The following ARNT variants were observed in gnomAD, a reference collection of about 807,000 sequenced individuals.
ARNT encodes aryl hydrocarbon receptor nuclear translocator, also known as class E basic helix-loop-helix protein 2.
In ARNT, 30 loss-of-function variants were observed where a neutral mutation model predicts 105.0. The observed-to-expected ratio is 0.29, with a 90% CI of 0.21 to 0.39. The LOEUF is 0.39. ARNT is among the 10% of genes least tolerant of loss of function. ARNT has a pLI of 1.00. For missense variants in ARNT, 748 were observed against 978.7 expected (o/e 0.76, Z 3.15); for synonymous variants, 304 against 344.0 (o/e 0.88, Z 1.29).
intron 1 of ARNT, among the ~76,000 whole-genome samples, chr1:150,864,883 CA>C (rs587599690): frequency 0.19 from 14,405 of 75,638 alleles, 1,027 homozygotes; most frequent in African/African-American, 0.34. Context: ...TTCTTTAAAT[CA>C]AAAAAAAAAA....
At chr1:150,875,613 C>T (rs776202425) in intron 1 of ARNT, among the ~76,000 whole-genome samples, 12 of 152,014 alleles carry the variant, frequency 7.9e-5, no homozygotes, top group Non-Finnish European at 1.8e-4. Context: ...TAAACTAGAC[C>T]CCTAAAATGA....
At chr1:150,825,912 T>C (rs1367682614) in intron 13 of ARNT, among the ~76,000 whole-genome samples, 1 of 151,530 alleles carries the variant, frequency 6.6e-6, no homozygotes, top group Non-Finnish European at 1.5e-5. Context: ...TACAATTTTC[T>C]TTTTTATCTT....
At chr1:150,874,091 G>A (rs929959312) in intron 1 of ARNT, among the ~76,000 whole-genome samples, 1 of 145,558 alleles carries the variant, frequency 6.9e-6, no homozygotes, top group Non-Finnish European at 1.5e-5. Flanking sequence ...AAAGAAATAG[G>A]CATGGTGTCC....
intron 1 of ARNT, among the ~76,000 whole-genome samples, chr1:150,865,101 A>T (rs912642742): frequency 1.8e-4 from 27 of 151,822 alleles, no homozygotes; most frequent in Middle Eastern, 3.4e-3. Context: ...CAAGATTAAT[A>T]AAAAAAACAA....
At chr1:150,854,877 A>AG (rs1664307625) in intron 2 of ARNT, among the ~76,000 whole-genome samples, 1 of 149,490 alleles carries the variant, frequency 6.7e-6, no homozygotes, top group Non-Finnish European at 1.5e-5. Context: ...AAAAAAAAAA[A>AG]GGGAAGGGGA....
intron 3 of ARNT, among the ~76,000 whole-genome samples, chr1:150,848,564 G>A (rs1662698819): frequency 6.6e-6 from 1 of 152,090 alleles, no homozygotes; most frequent in African/African-American, 2.4e-5. Context: ...TTTGAGGCAA[G>A]GTCGCCCAGG....
At chr1:150,867,893 C>T (rs192357037) in intron 1 of ARNT, among the ~76,000 whole-genome samples, 31 of 152,238 alleles carry the variant, frequency 2.0e-4, no homozygotes, top group Non-Finnish European at 2.9e-4. Context: ...CTTCGCCTTC[C>T]GCCATGATTC....
chr1:150,849,678 G>A (rs1474223699), intron 3 of ARNT, among the ~76,000 whole-genome samples: 5 of 152,068 alleles, frequency 3.3e-5, no homozygotes, highest in Non-Finnish European at 5.9e-5. Flanking sequence ...TGGGAGGATC[G>A]CTTGAGCCCT....
In ARNT at chr1:150,845,626, G is replaced by A. The variant is rs587665741; in HGVS notation, c.227+637C>T. Among the ~76,000 whole-genome samples, 12 of 148,658 alleles carry A rather than the reference G, an allele frequency of 8.1e-5. No individual in the cohort carries two copies. In the South Asian group the frequency reaches 8.5e-4, roughly 11 times the overall value. On this transcript the variant is annotated intron_variant, in intron 4 of 21. Coordinates refer to ENST00000358595, the MANE Select transcript of ARNT (RefSeq NM_001668.4). Reference sequence around the variant, plus strand: ...CTGTCTCAAAAAAATAAAATAGGCCGGGTGCGGTGGCTCACACCTATAATC... The same window carrying A: ...CTGTCTCAAAAAAATAAAATAGGCCAGGTGCGGTGGCTCACACCTATAATC...
intron 15 of ARNT, 60 bp downstream of exon 15, chr1:150,817,860 A>G: frequency 2.4e-6 from 3 of 1,272,054 alleles, no homozygotes; most frequent in Non-Finnish European, 3.3e-6. Context: ...AATATATGGG[A>G]TTGCAAATGA....
intron 1 of ARNT, among the ~76,000 whole-genome samples, chr1:150,873,275 T>A (rs1273201004): frequency 1.4e-5 from 2 of 147,818 alleles, no homozygotes; most frequent in East Asian, 2.0e-4. Context: ...GGCGACAGAG[T>A]GAGACTCTGT....
Position 150,842,486 on chromosome 1 carries a change from G to C in ARNT, c.228-18C>G. 1.3e-6 allele frequency: 2 copies of C among 1,537,008 alleles called. No individual in the cohort carries two copies. Among genetic ancestry groups the C allele is most frequent in the Non-Finnish European group, 1.8e-6 (2 of 1,135,448 alleles). ...CATCCGACCTAAAAATAGAATTAAT[G>C]AACTAAGCTAAAATTAAAATAAAAA... is the stretch of plus-strand genomic sequence containing the variant. On this transcript the variant is annotated intron_variant, in intron 4 of 21. Transcript: ENST00000358595.
chr1:150,833,134 G>A (rs758268286), intron 8 of ARNT, among the ~76,000 whole-genome samples: 2 of 152,116 alleles, frequency 1.3e-5, no homozygotes, highest in African/African-American at 2.4e-5. Context: ...GGTTTCAGAA[G>A]ATAGCATCAA....
intron 6 of ARNT, among the ~76,000 whole-genome samples, chr1:150,839,148 T>C (rs1200657763): frequency 2.0e-5 from 3 of 152,206 alleles, no homozygotes; most frequent in Non-Finnish European, 1.5e-5. Flanking sequence ...GAAAATTGGT[T>C]CCATGGACAT....
intron 1 of ARNT, among the ~76,000 whole-genome samples, chr1:150,865,075 A>C (rs149993705): frequency 1.5e-3 from 224 of 152,104 alleles, no homozygotes; most frequent in Non-Finnish European, 2.1e-3. Flanking sequence ...AGTTTGAAGT[A>C]ATAGAAGTAG....
At chr1:150,819,694 C>T (rs1017488462) in intron 14 of ARNT, among the ~76,000 whole-genome samples, 4 of 152,086 alleles carry the variant, frequency 2.6e-5, no homozygotes, top group African/African-American at 9.7e-5. Context: ...GTCTATGATT[C>T]CATTTATACG....
chr1:150,861,764 C>T (rs1212012092), intron 1 of ARNT, among the ~76,000 whole-genome samples: 1 of 152,168 alleles, frequency 6.6e-6, no homozygotes, highest in Non-Finnish European at 1.5e-5. Context: ...ACTATACAAA[C>T]AGTCCTGACT....
intron 10 of ARNT, 149 bp downstream of exon 10, chr1:150,831,669 G>C (rs1479405187): frequency 1.5e-5 from 9 of 583,420 alleles, no homozygotes; most frequent in Non-Finnish European, 2.7e-5. Context: ...TAATGGAAGG[G>C]AAGGATTGTA....
chr1:150,837,380 G>A (rs945700269), intron 6 of ARNT, among the ~76,000 whole-genome samples: 2 of 152,044 alleles, frequency 1.3e-5, no homozygotes, highest in Non-Finnish European at 2.9e-5. Context: ...TTTGGTTTTT[G>A]TTCTGCCAGG....
Sources: allele counts gnomAD v4.1 joint callset (sites outside exome capture counted in the v4.1 genomes callset), GRCh38; gene constraint gnomAD v4.1.1; transcripts MANE v1.5; gene names NCBI Gene and HGNC (gene_info 2026-07-23, HGNC 2026-07-21).